ABRA: variants seen among roughly 807,000 people sequenced by gnomAD.
The protein encoded by ABRA is actin binding Rho activating protein.
ABRA carries 25 observed loss-of-function variants against 33.4 expected under a neutral mutation model. The ratio of observed to expected loss-of-function variants is 0.75; its 90% confidence interval spans 0.55 to 1.04. ABRA has a LOEUF of 1.04. Among genes scored for constraint, ABRA ranks in the 50% least tolerant of loss-of-function variants. ABRA has a pLI of 0.00. For missense variants in ABRA, 501 were observed against 491.7 expected (o/e 1.02, Z -0.18); for synonymous variants, 193 against 176.8 (o/e 1.09, Z -0.73).
At position 106,761,195 on chromosome 8, in the gene ABRA, G is replaced by C. The variant is rs770163608; in HGVS notation, c.988C>G (p.Gln330Glu). The change falls in exon 2 of 2, where the codon CAG becomes GAG. Residue 330 changes from glutamine to glutamate, a missense_variant. By Grantham distance (29) the Gln-to-Glu change is conservative. Transcript: ENST00000311955. ...TCAAAGAGATCTCCAAAAGTAACCT[G>C]GATCTTGCCATCTCGTCTGTGGCGA... ...MARHRRDGKIQVTFGDLFDRY... is the reference protein window; with the variant it reads ...MARHRRDGKIEVTFGDLFDRY... The C allele has an allele frequency of 6.2e-7, 1 of 1,614,184 alleles. No homozygotes were observed. The highest frequency in any genetic ancestry group is 8.5e-7 in the Non-Finnish European group (1 of 1,180,040).
At position 106,770,145 on chromosome 8, in the gene ABRA, C is replaced by T. The variant is rs761933294; in HGVS notation, c.46G>A (p.Ala16Thr). ...GTGGCTGTGCGTATCTTCCGGAGGG[C>T]GCTCTTGGCTGGGCCCTCCCCGCTT... is the stretch of plus-strand genomic sequence containing the variant. Reference protein sequence around the residue: ...KESGEGPAKSALRKIRTATLV... With the variant: ...KESGEGPAKSTLRKIRTATLV... Residue 16 changes from alanine (A) to threonine (T), a missense_variant, in exon 1 of 2, where the codon GCC becomes ACC. Coordinates refer to ENST00000311955, the MANE Select transcript of ABRA (RefSeq NM_139166.5). The T allele has an allele frequency of 5.6e-6, 9 of 1,612,926 alleles. No homozygotes were observed. The highest frequency in any genetic ancestry group is 5.5e-5 in the South Asian group (5 of 91,002).
At chr8:106,766,775 C>T (rs978999062) in intron 1 of ABRA, among the ~76,000 whole-genome samples, 4 of 152,184 alleles carry the variant, frequency 2.6e-5, no homozygotes, top group Non-Finnish European at 4.4e-5. Flanking sequence ...ATGATGAGTA[C>T]AATTTGCTAA....
intron 1 of ABRA, among the ~76,000 whole-genome samples, chr8:106,768,140 T>A (rs1810534025): frequency 6.6e-6 from 1 of 151,176 alleles, no homozygotes; most frequent in South Asian, 2.1e-4. Context: ...TAGGTAACAA[T>A]TTTTTTCTTT....
chr8:106,769,369 G>A (rs1810559369), intron 1 of ABRA, among the ~76,000 whole-genome samples, 154 bp downstream of exon 1: 1 of 152,160 alleles, frequency 6.6e-6, no homozygotes. Flanking sequence ...CTTCAGCCCA[G>A]GGACATCCCT....
chr8:106,769,468 G>C lies in ABRA; in HGVS notation c.668+55C>G, dbSNP rs543668921. ...ATCTGCTGCCTGGATTCCCAGACTT[G>C]GTTGGGGCTCAATAGTGATCCTGAC... On this transcript the variant is annotated intron_variant, in intron 1 of 1. Transcript: ENST00000311955. 7.1e-6 allele frequency: 11 copies of C among 1,558,790 alleles called. No homozygotes were observed. The East Asian group carries it at 2.2e-4, about 32-fold the overall frequency.
At chr8:106,761,537 A>C (rs762832403) in intron 1 of ABRA, 23 bp from the exon 2 acceptor site, 185 of 1,586,520 alleles carry the variant, frequency 1.2e-4, no homozygotes, top group Non-Finnish European at 1.5e-4. Flanking sequence ...GAGGGTGAAC[A>C]ATCAAGATTC....
chr8:106,768,094 CAAA>C (rs397957500), intron 1 of ABRA, among the ~76,000 whole-genome samples: 6 of 106,596 alleles, frequency 5.6e-5, no homozygotes, highest in Admixed American at 9.8e-5. Context: ...GACTTCATCT[CAAA>C]AAAAAAAAAA....
In ABRA at chr8:106,761,388, G is replaced by T. The variant is rs1159798077; in HGVS notation, c.795C>A (p.Phe265Leu). The change falls in exon 2 of 2, where the codon TTC (phenylalanine) becomes TTA (leucine). Residue 265 changes from phenylalanine to leucine, a missense_variant. Coordinates refer to ENST00000311955, the MANE Select transcript of ABRA (RefSeq NM_139166.5). Reference sequence around the variant, plus strand: ...CCAGCTCGTAATCAAACTCTTCACTGAAAGGATTGAGCTTCTGGGATTGTA... The same window carrying T: ...CCAGCTCGTAATCAAACTCTTCACTTAAAGGATTGAGCTTCTGGGATTGTA... ...EHIQSQKLNPFSEEFDYELAM... is the reference protein window; with the variant it reads ...EHIQSQKLNPLSEEFDYELAM... 6.2e-7 allele frequency: 1 copy of T among 1,614,162 alleles called. No individual in the cohort carries two copies. The highest frequency in any genetic ancestry group is 2.2e-5 in the East Asian group (1 of 44,880).
chr8:106,768,660 G>T (rs773733119), intron 1 of ABRA, among the ~76,000 whole-genome samples: 3 of 152,130 alleles, frequency 2.0e-5, no homozygotes, highest in Non-Finnish European at 2.9e-5. Flanking sequence ...GTGAAACAGA[G>T]TCTTGCTGTG....
Position 106,761,530 on chromosome 8 carries a change from G to A in ABRA, c.669-16C>T. On this transcript the variant is annotated splice_polypyrimidine_tract_variant and intron_variant, in intron 1 of 1. Coordinates refer to ENST00000311955, the MANE Select transcript of ABRA (RefSeq NM_139166.5). ...TCTGTTTACCCTAAAGTAGAGAGAG[G>A]GTGAACAATCAAGATTCAGATATGT... 1.3e-6 allele frequency: 2 copies of A among 1,592,646 alleles called. No individual in the cohort carries two copies. Among genetic ancestry groups the A allele is most frequent in the Admixed American group, 1.7e-5 (1 of 58,264 alleles).
Position 106,760,879 on chromosome 8 carries a change from C to T in ABRA, c.*158G>A, listed in dbSNP as rs1156825494. ...TGCCTTCTCAAAATCTCCAAAATTC[C>T]TCATTCTAGATAGAAATAGAATGCC... On this transcript the variant is annotated 3_prime_UTR_variant, in exon 2 of 2. Transcript: ENST00000311955. 2.9e-6 allele frequency: 2 copies of T among 697,998 alleles called. No homozygotes were observed. Among genetic ancestry groups the T allele is most frequent in the African/African-American group, 1.8e-5 (1 of 55,764 alleles). 43.2% of individuals were successfully genotyped at this position (697,998 alleles called of 1,614,324 possible).
At chr8:106,763,189 A>G (rs1021422851) in intron 1 of ABRA, among the ~76,000 whole-genome samples, 2 of 152,338 alleles carry the variant, frequency 1.3e-5, no homozygotes, top group South Asian at 4.1e-4. Context: ...ACCGGGAGGA[A>G]TACATACTTA....
chr8:106,761,707 G>A (rs1349211676), intron 1 of ABRA, among the ~76,000 whole-genome samples, 193 bp from the exon 2 acceptor site: 1 of 152,078 alleles, frequency 6.6e-6, no homozygotes, highest in African/African-American at 2.4e-5. Flanking sequence ...TCTTAGTTTG[G>A]TGCATATCCT....
chr8:106,760,037 T>C lies in ABRA; in HGVS notation c.*1000A>G, dbSNP rs1836114041. ...TGTTTTTAATTCACCAATGATTCTATGGGATTTTTCTAATACTGAACATTC... is the reference window on the plus strand; with the variant it reads ...TGTTTTTAATTCACCAATGATTCTACGGGATTTTTCTAATACTGAACATTC... On this transcript the variant is annotated 3_prime_UTR_variant, in exon 2 of 2. Transcript: ENST00000311955. 1 of 152,244 alleles carries C rather than the reference T, an allele frequency of 6.6e-6. No homozygotes were observed. Among genetic ancestry groups the C allele is most frequent in the African/African-American group, 2.4e-5 (1 of 41,460 alleles). The allele number at this position is 152,244 out of a possible 1,614,324, so 9.4% of individuals were successfully genotyped here. A position where few individuals can be genotyped will look rare whatever the true frequency, so the allele number is the denominator to read the frequency against.
At chr8:106,766,429 A>C (rs1324038966) in intron 1 of ABRA, among the ~76,000 whole-genome samples, 1 of 152,076 alleles carries the variant, frequency 6.6e-6, no homozygotes, top group Non-Finnish European at 1.5e-5. Context: ...ACAGGGAGAG[A>C]AGGGTGCCTA....
Position 106,769,557 on chromosome 8 carries a change from C to A in ABRA, c.634G>T (p.Ala212Ser), listed in dbSNP as rs1464865961. The change falls in exon 1 of 2, where the codon GCT becomes TCT. Residue 212 changes from alanine (A) to serine (S), a missense_variant. By Grantham distance (99) the Ala-to-Ser change is moderately conservative (BLOSUM62 1). Coordinates refer to ENST00000311955, the MANE Select transcript of ABRA (RefSeq NM_139166.5). Reference protein sequence around the residue: ...ERPEQDGVQVAVVRIKRPLPS... With the variant: ...ERPEQDGVQVSVVRIKRPLPS... Reference sequence around the variant, plus strand: ...AAGGGGCGCTTGATCCTGACCACAGCCACCTGCACTCCATCCTGCTCGGGC... The same window carrying A: ...AAGGGGCGCTTGATCCTGACCACAGACACCTGCACTCCATCCTGCTCGGGC... 7 of 1,613,854 alleles carry A rather than the reference C, an allele frequency of 4.3e-6. No individual in the cohort carries two copies. Among genetic ancestry groups the A allele is most frequent in the Non-Finnish European group, 5.1e-6 (6 of 1,179,958 alleles).
In ABRA at chr8:106,770,227, A is replaced by C. The variant is rs1246436898; in HGVS notation, c.-37T>G. ...GTCTTTCTCTGCTGATAGCCTGGAC[A>C]CTGGCTAAAATGAGTGTGGTCCAGT... On this transcript the variant is annotated 5_prime_UTR_variant, in exon 1 of 2. Transcript: ENST00000311955. The C allele has an allele frequency of 6.4e-7, 1 of 1,568,940 alleles. No homozygotes were observed. The highest frequency in any genetic ancestry group is 8.6e-7 in the Non-Finnish European group (1 of 1,163,672).
intron 1 of ABRA, 46 bp from the exon 2 acceptor site, chr8:106,761,560 A>T: frequency 6.6e-7 from 1 of 1,504,254 alleles, no homozygotes; most frequent in Non-Finnish European, 9.0e-7. Context: ...ATATGTTAAC[A>T]CCGAGTGTTG....
intron 1 of ABRA, among the ~76,000 whole-genome samples, chr8:106,769,255 A>G (rs1810557365): frequency 6.6e-6 from 1 of 152,222 alleles, no homozygotes; most frequent in African/African-American, 2.4e-5. Context: ...TGATGGCTTC[A>G]TCTTTGTTGA....
Sources: gnomAD v4.1 joint callset for allele counts (sites outside exome capture counted in the v4.1 genomes callset) on GRCh38, gnomAD v4.1.1 for gene constraint, MANE v1.5 for transcripts, NCBI Gene and HGNC (gene_info 2026-07-23, HGNC 2026-07-21) for gene names.